Variants in VAV2 observed in about 807,000 individuals in gnomAD.
VAV2 encodes the protein vav guanine nucleotide exchange factor 2, also known as guanine nucleotide exchange factor VAV2.
In VAV2, 67 loss-of-function variants were observed where a neutral mutation model predicts 132.5. The observed-to-expected ratio is 0.51, with a 90% CI of 0.42 to 0.62. VAV2 has a LOEUF of 0.62. Ranked by LOEUF, VAV2 falls within the 20% of genes least tolerant of loss-of-function variation. The pLI is 0.00. For missense variants in VAV2, 938 were observed against 1,153.6 expected (o/e 0.81, Z 2.71); for synonymous variants, 492 against 443.5 (o/e 1.11, Z -1.37).
At chr9:133,979,499 G>T (rs1380543420) in intron 1 of VAV2, among the ~76,000 whole-genome samples, 1 of 152,170 alleles carries the variant, frequency 6.6e-6, no homozygotes, top group Non-Finnish European at 1.5e-5. Context: ...AGGAAGGAGC[G>T]GACGCCGCAG....
intron 1 of VAV2, among the ~76,000 whole-genome samples, chr9:133,972,104 A>ACACACACCCC (rs1309289659): frequency 1.3e-5 from 2 of 152,126 alleles, no homozygotes; most frequent in African/African-American, 4.8e-5. Context: ...ACACACACCC[A>ACACACACCCC]CACACACCCC....
chr9:133,905,664 T>C (rs377181498), intron 2 of VAV2, among the ~76,000 whole-genome samples: 19 of 152,070 alleles, frequency 1.2e-4, no homozygotes, highest in Middle Eastern at 3.4e-3. Flanking sequence ...TCTGGGGAGC[T>C]GATGGACAAT....
At chr9:133,791,055 G>A (rs1834436939) in intron 13 of VAV2, among the ~76,000 whole-genome samples, 1 of 152,170 alleles carries the variant, frequency 6.6e-6, no homozygotes, top group African/African-American at 2.4e-5. Flanking sequence ...ACGCACAGGG[G>A]CAGGTCCCAC....
intron 2 of VAV2, among the ~76,000 whole-genome samples, chr9:133,871,590 GAGA>G (rs1392717149): frequency 6.6e-6 from 1 of 152,076 alleles, no homozygotes; most frequent in Admixed American, 6.5e-5. Flanking sequence ...AGAGAAGAGA[GAGA>G]AGATGAGCCC....
chr9:133,788,243 CAGCATCAGCGGCTGACTTCGAGT>C lies in VAV2; in HGVS notation c.1407+88_1407+110del. 3.0e-5 allele frequency: 39 copies of C among 1,310,382 alleles called. No individual in the cohort carries two copies. Among genetic ancestry groups the C allele is most frequent in the East Asian group, 5.1e-5 (2 of 39,472 alleles). 81.2% of individuals were successfully genotyped at this position (1,310,382 alleles called of 1,614,324 possible). A position where few individuals can be genotyped will look rare whatever the true frequency, so the allele number is the denominator to read the frequency against. ...AGACGCCCACCCCAACCCACCCGGC[CAGCATCAGCGGCTGACTTCGAGT>C]CCCCTTCCCCTGGGGTCTGGAACCC... On this transcript the variant is annotated intron_variant, in intron 15 of 29. Coordinates refer to ENST00000371850, the MANE Select transcript of VAV2 (RefSeq NM_001134398.2). This position sits in a 1 kb window ranked among gnomAD's most constrained non-coding sequence, Gnocchi z 5.3.
In VAV2 at chr9:133,937,537, A is replaced by AGTGT. The variant is rs1554813274; in HGVS notation, c.321+1565_321+1566insACAC. ...GTGTGCGCGTGTGAGAGTGTGTGTG[A>AGTGT]GAGTGTGTGTGTGTGTGTGTGTTCT... On this transcript the variant is annotated intron_variant, in intron 2 of 29. Transcript: ENST00000371850. Among the ~76,000 whole-genome samples, 222 of 99,958 alleles carry AGTGT rather than the reference A, an allele frequency of 2.2e-3. 1 individual carries two copies. Among genetic ancestry groups the AGTGT allele is most frequent in the African/African-American group, 6.1e-3 (206 of 34,026 alleles). 65.6% of individuals were successfully genotyped at this position (99,958 alleles called of 152,430 possible).
At position 133,812,058 on chromosome 9, in the gene VAV2, A is replaced by G. The variant is rs1835375814; in HGVS notation, c.552+56T>C. 2.6e-6 allele frequency: 4 copies of G among 1,563,550 alleles called. No individual in the cohort carries two copies. In the South Asian group the frequency reaches 3.3e-5, roughly 13 times the overall value. On this transcript the variant is annotated intron_variant, in intron 5 of 29. Coordinates refer to ENST00000371850, the MANE Select transcript of VAV2 (RefSeq NM_001134398.2). ...CTCGGTATTGTGTTAAGCAAGGGCC[A>G]GGCTGCTCTGCGAGGGAAGGGAGGG...
chr9:133,827,636 G>GGGCTGACCACTGAGCAC (rs1836076637), intron 4 of VAV2, among the ~76,000 whole-genome samples: 1 of 3,400 alleles, frequency 2.9e-4, no homozygotes, highest in African/African-American at 7.1e-4. Flanking sequence ...CCACTGAGTG[G>GGGCTGACCACTGAGCAC]GGGCATCACC....
chr9:133,785,998 G>C, intron 16 of VAV2, 113 bp from the exon 17 acceptor site: 1 of 875,228 alleles, frequency 1.1e-6, no homozygotes, highest in South Asian at 1.4e-5. Flanking sequence ...ATGCATATGT[G>C]CACAGGTGCC....
At chr9:133,854,042 G>A (rs2131846523) in intron 3 of VAV2, among the ~76,000 whole-genome samples, 1 of 151,884 alleles carries the variant, frequency 6.6e-6, no homozygotes, top group East Asian at 1.9e-4. Context: ...ACACCCATCT[G>A]CACATACACA....
intron 19 of VAV2, among the ~76,000 whole-genome samples, chr9:133,782,879 C>T (rs952311654): frequency 3.3e-5 from 5 of 152,150 alleles, no homozygotes; most frequent in African/African-American, 4.8e-5. Flanking sequence ...CTGAGCAGGG[C>T]ACAACCCCAA....
intron 9 of VAV2, 23 bp from the exon 10 acceptor site, chr9:133,797,832 C>T: frequency 6.2e-7 from 1 of 1,608,396 alleles, no homozygotes; most frequent in South Asian, 1.1e-5. Context: ...CACACACGCA[C>T]ACACGCACAC....
At chr9:133,967,546 C>T (rs1036485281) in intron 1 of VAV2, among the ~76,000 whole-genome samples, 3 of 152,156 alleles carry the variant, frequency 2.0e-5, no homozygotes, top group African/African-American at 7.2e-5. Context: ...GAATACTATT[C>T]AGCCATGAAA....
At chr9:133,851,802 T>A (rs1837183792) in intron 3 of VAV2, among the ~76,000 whole-genome samples, 1 of 136,694 alleles carries the variant, frequency 7.3e-6, no homozygotes, top group Admixed American at 7.6e-5. Context: ...GGTGAATAAA[T>A]GGATGGATGG....
In VAV2 at chr9:133,784,001, C is replaced by T. The variant is rs1028119200; in HGVS notation, c.1634+316G>A. Among the ~76,000 whole-genome samples, 4 of 152,096 alleles carry T rather than the reference C, an allele frequency of 2.6e-5. No homozygotes were observed. The South Asian group carries it at 8.3e-4, about 32-fold the overall frequency. On this transcript the variant is annotated intron_variant, in intron 18 of 29. Transcript: ENST00000371850. ...ACTTATTCAATTCTCCCACATCAGC[C>T]TCCCGAGTAGCTGGGGCCACAGGAG...
intron 1 of VAV2, among the ~76,000 whole-genome samples, chr9:133,946,761 C>T (rs1273123327): frequency 6.6e-6 from 1 of 152,200 alleles, no homozygotes; most frequent in Non-Finnish European, 1.5e-5. Flanking sequence ...TTATGCCATG[C>T]TCATTCCAAA....
At chr9:133,778,147 G>C (rs1328823935) in intron 22 of VAV2, among the ~76,000 whole-genome samples, 3 of 152,276 alleles carry the variant, frequency 2.0e-5, no homozygotes, top group African/African-American at 7.2e-5. Flanking sequence ...ACCCTTTACA[G>C]CCCAGCCATC....
intron 3 of VAV2, among the ~76,000 whole-genome samples, chr9:133,843,664 G>C (rs898315389): frequency 7.2e-5 from 11 of 152,210 alleles, no homozygotes; most frequent in Non-Finnish European, 1.2e-4. Flanking sequence ...AAGGAAGGAG[G>C]GGGAAGGTGA....
chr9:133,979,695 G>A (rs998484158), intron 1 of VAV2, among the ~76,000 whole-genome samples: 1 of 152,196 alleles, frequency 6.6e-6, no homozygotes, highest in Non-Finnish European at 1.5e-5. Context: ...GGCCCACGAG[G>A]ACCTCCTGCT....
Sources: gnomAD v4.1 joint callset for allele counts (sites outside exome capture counted in the v4.1 genomes callset) on GRCh38, gnomAD v4.1.1 for gene constraint, Gnocchi (gnomAD v3.1) non-coding constraint, MANE v1.5 for transcripts, NCBI Gene and HGNC (gene_info 2026-07-23, HGNC 2026-07-21) for gene names.